Variants in EIF4H observed in about 807,000 individuals in gnomAD.
EIF4H encodes Williams-Beuren syndrome chromosome region 1.
A neutral mutation model predicts 30.6 loss-of-function variants in EIF4H; 8 were observed. The observed-to-expected ratio is 0.26, with a 90% CI of 0.15 to 0.47. The LOEUF is 0.47. Ranked by LOEUF, EIF4H falls within the 20% of genes least tolerant of loss-of-function variation. The pLI is 0.99. For missense variants in EIF4H, 188 were observed against 339.5 expected (o/e 0.55, Z 3.51); for synonymous variants, 106 against 122.7 (o/e 0.86, Z 0.90).
intron 1 of EIF4H, among the ~76,000 whole-genome samples, chr7:74,185,991 A>G (rs1279515100): frequency 1.3e-5 from 2 of 152,160 alleles, no homozygotes; most frequent in African/African-American, 4.8e-5. Flanking sequence ...CAAATCTACA[A>G]TAAGGTTGAA....
At chr7:74,187,843 G>A (rs782188947) in intron 2 of EIF4H, 45 bp downstream of exon 2, 12 of 1,449,564 alleles carry the variant, frequency 8.3e-6, no homozygotes, top group Admixed American at 4.5e-5. Flanking sequence ...AAAGTGTAGG[G>A]GAGGATGGGA....
At chr7:74,183,820 C>T (rs1801020082) in intron 1 of EIF4H, 1 of 152,220 alleles carries the variant, frequency 6.6e-6, no homozygotes, top group African/African-American at 2.4e-5. Context: ...TCTCAAGTGA[C>T]TGTCACACAG....
Position 74,189,900 on chromosome 7 carries a change from G to A in EIF4H, c.391G>A (p.Gly131Ser). The change falls in exon 4 of 7, where the codon GGT (glycine) becomes AGT (serine). Residue 131 changes from glycine (G) to serine (S), a missense_variant. By Grantham distance (56) the Gly-to-Ser change is moderately conservative. Around this residue, in one of 4 missense-constraint regions of EIF4H, gnomAD observed 52 missense variants for 143.9 expected, o/e 0.36. Coordinates refer to ENST00000265753, the MANE Select transcript of EIF4H (RefSeq NM_022170.2). The part of the protein sequence containing the change: ...QDKGGFGFRK[G>S]GPDDRGMGSS... Reference sequence around the variant, plus strand: ...TAAAGGTGGCTTTGGATTCAGAAAAGGTGGACCAGATGACAGAGGTGATTG... The same window carrying A: ...TAAAGGTGGCTTTGGATTCAGAAAAAGTGGACCAGATGACAGAGGTGATTG... The A allele has an allele frequency of 6.2e-7, 1 of 1,614,194 alleles. No homozygotes were observed. Among genetic ancestry groups the A allele is most frequent in the Non-Finnish European group, 8.5e-7 (1 of 1,180,026 alleles).
At chr7:74,179,652 A>G (rs1800915175) in intron 1 of EIF4H, among the ~76,000 whole-genome samples, 1 of 118,744 alleles carries the variant, frequency 8.4e-6, no homozygotes, top group Admixed American at 8.5e-5. Context: ...AAAAAAAGTC[A>G]CTTTATCTTG....
chr7:74,193,118 C>T (rs1210249814), intron 5 of EIF4H, among the ~76,000 whole-genome samples: 2 of 152,180 alleles, frequency 1.3e-5, no homozygotes, highest in South Asian at 2.1e-4. Flanking sequence ...CATCCCACAC[C>T]GGTTTTGTCT....
At chr7:74,178,625 C>T (rs1430574235) in intron 1 of EIF4H, among the ~76,000 whole-genome samples, 4 of 152,016 alleles carry the variant, frequency 2.6e-5, no homozygotes, top group East Asian at 3.8e-4. Context: ...AAGCTTAGAA[C>T]GTACAAAGCA....
chr7:74,187,469 C>T (rs1430858635), intron 1 of EIF4H, 142 bp from the exon 2 acceptor site: 2 of 813,922 alleles, frequency 2.5e-6, no homozygotes, highest in Non-Finnish European at 3.5e-6. Context: ...TTTCTCCAGC[C>T]ATTCTCTGTA....
intron 2 of EIF4H, among the ~76,000 whole-genome samples, chr7:74,188,795 C>T (rs907314440): frequency 6.6e-6 from 1 of 152,040 alleles, no homozygotes; most frequent in Non-Finnish European, 1.5e-5. Context: ...GATTGGGTGT[C>T]TGTTGCTTCT....
In EIF4H at chr7:74,194,842, C is replaced by T. The variant is rs367713542; in HGVS notation, c.571C>T (p.Arg191Cys). ...GSRFRDGPPL[R>C]GSNMDFREPT... ...CCGCTTCAGAGATGGCCCTCCCCTC[C>T]GTGGATCCAACATGGATTTCAGAGA... Residue 191 changes from arginine to cysteine, a missense_variant, in exon 6 of 7, where the codon CGT (arginine) becomes TGT (cysteine). Arg to Cys is a radical substitution (Grantham distance 180). This residue lies in a region of EIF4H where 76 missense variants were observed against 85.8 expected (regional missense o/e 0.89). Coordinates refer to ENST00000265753, the MANE Select transcript of EIF4H (RefSeq NM_022170.2). 1.9e-6 allele frequency: 3 copies of T among 1,602,382 alleles called. No homozygotes were observed. Among genetic ancestry groups the T allele is most frequent in the African/African-American group, 1.3e-5 (1 of 74,728 alleles).
At chr7:74,184,320 G>A (rs1283765964) in intron 1 of EIF4H, among the ~76,000 whole-genome samples, 1 of 152,112 alleles carries the variant, frequency 6.6e-6, no homozygotes, top group Non-Finnish European at 1.5e-5. Flanking sequence ...CCTCTACTCT[G>A]TAAGTTCGAG....
At chr7:74,184,890 A>T (rs1312771957) in intron 1 of EIF4H, among the ~76,000 whole-genome samples, 3 of 152,210 alleles carry the variant, frequency 2.0e-5, no homozygotes, top group Admixed American at 2.0e-4. Context: ...CATGTTGGCC[A>T]GGCTGGTCTT....
chr7:74,190,148 T>C (rs1801171027), intron 4 of EIF4H, 99 bp from the exon 5 acceptor site: 6 of 1,286,952 alleles, frequency 4.7e-6, no homozygotes, highest in Non-Finnish European at 6.6e-6. Flanking sequence ...CATTGAACCT[T>C]CCATCACTTG....
At chr7:74,190,222 C>CT (rs782052937) in intron 4 of EIF4H, 25 bp from the exon 5 acceptor site, 6 of 1,612,546 alleles carry the variant, frequency 3.7e-6, no homozygotes, top group Admixed American at 1.7e-5. Context: ...ACGACCTCAA[C>CT]TTTATCTTTT....
chr7:74,191,343 G>T, intron 5 of EIF4H: 1 of 511,972 alleles, frequency 2.0e-6, no homozygotes. Context: ...CCTTTCCCCT[G>T]CCAGTTTGGT....
rs79646078 is a variant in EIF4H, at chr7:74,187,006, T to C, written c.60-605T>C. Among the ~76,000 whole-genome samples the C allele has an allele frequency of 2.1e-3, 319 of 152,188 alleles. 4 individuals are homozygous for C. The highest frequency in any genetic ancestry group is 0.013 in the East Asian group (68 of 5,190). ...CTTCTTCTGAATACAACATTACTTC[T>C]AGACTGTCCATTTCTGTATTTCTTA... On this transcript the variant is annotated intron_variant, in intron 1 of 6. Coordinates refer to ENST00000265753, the MANE Select transcript of EIF4H (RefSeq NM_022170.2).
chr7:74,180,860 T>G (rs1800943357), intron 1 of EIF4H, among the ~76,000 whole-genome samples: 1 of 152,220 alleles, frequency 6.6e-6, no homozygotes, highest in Non-Finnish European at 1.5e-5. Context: ...CATCTTGGCC[T>G]TCTTCAGAGA....
intron 5 of EIF4H, among the ~76,000 whole-genome samples, chr7:74,192,668 C>CTTTTTTTTTTTTTTTTTTTTTTTTTTTTT (rs1297031468): frequency 1.1e-5 from 1 of 93,186 alleles, no homozygotes; most frequent in Non-Finnish European, 1.9e-5. Flanking sequence ...CTTTATGTGA[C>CTTTTTTTTTTTTTTTTTTTTTTTTTTTTT]TTTTTTTTTT....
intron 1 of EIF4H, among the ~76,000 whole-genome samples, chr7:74,184,683 CTTT>C (rs1273281493): frequency 1.3e-5 from 2 of 151,424 alleles, no homozygotes; most frequent in African/African-American, 2.4e-5. Context: ...GTTTTTTGTG[CTTT>C]TTTGTTTGTT....
chr7:74,195,138 A>G (rs782655246), intron 6 of EIF4H, 31 bp from the exon 7 acceptor site: 4 of 1,611,474 alleles, frequency 2.5e-6, no homozygotes, highest in Non-Finnish European at 3.4e-6. Flanking sequence ...TGGGATCCAC[A>G]CTCTGACAAA....
Sources: gnomAD v4.1 joint callset for allele counts (sites outside exome capture counted in the v4.1 genomes callset) on GRCh38, gnomAD v4.1.1 for gene constraint, gnomAD v4.1.1 regional missense constraint, MANE v1.5 for transcripts, NCBI Gene and HGNC (gene_info 2026-07-23, HGNC 2026-07-21) for gene names.